Variants in ZFHX3 observed in about 807,000 individuals in gnomAD.
ZFHX3 encodes zinc finger homeobox 3.
In ZFHX3, 42 loss-of-function variants were observed where a neutral mutation model predicts 279.1. The observed-to-expected ratio is 0.15, with a 90% confidence interval of 0.12 to 0.19. The LOEUF is 0.19. ZFHX3 is among the 10% of genes least tolerant of loss of function. The probability of loss-of-function intolerance (pLI) is 1.00; values close to 1 mark genes in which losing one functional copy is unlikely to be tolerated. For missense variants in ZFHX3, 4,981 were observed against 4,754.0 expected (o/e 1.05, Z -1.40); for synonymous variants, 2,293 against 1,957.8 (o/e 1.17, Z -4.52).
chr16:73,604,806 C>T (rs533488626), intron 2 of ZFHX3, among the ~76,000 whole-genome samples: 1 of 151,438 alleles, frequency 6.6e-6, no homozygotes, highest in Admixed American at 6.6e-5. Context: ...CCATGCTAAA[C>T]AGTGCAGGGA....
Position 73,057,947 on chromosome 16 carries a change from G to A in ZFHX3, c.-24+583C>T, listed in dbSNP as rs990223295. On this transcript the variant is annotated intron_variant, in intron 1 of 8. Coordinates refer to the ZFHX3 transcript ENST00000397992. ...CGCGCCCCGCGCGGCTGCTCAGCCCGGGGCCCCGGCGCCTCTCGGGGTGGG... is the reference window on the plus strand; with the variant it reads ...CGCGCCCCGCGCGGCTGCTCAGCCCAGGGCCCCGGCGCCTCTCGGGGTGGG... 7.4e-5 allele frequency among the ~76,000 whole-genome samples: 11 copies of A among 147,838 alleles called. 1 individual carries two copies. The highest frequency in any genetic ancestry group is 6.0e-4 in the Admixed American group (9 of 14,898).
At chr16:73,481,470 T>C (rs1027813204) in intron 2 of ZFHX3, among the ~76,000 whole-genome samples, 7 of 152,180 alleles carry the variant, frequency 4.6e-5, no homozygotes, top group African/African-American at 1.7e-4. Context: ...GGTCTCACTC[T>C]ATTGCTCAGG....
intron 6 of ZFHX3, chr16:73,143,653 GT>G: frequency 1.2e-6 from 1 of 858,324 alleles, no homozygotes; most frequent in Non-Finnish European, 1.7e-6. Context: ...GTTTGGTTTT[GT>G]TTGGTGTCCT....
At chr16:72,938,812 C>A (rs563678335) in intron 3 of ZFHX3, among the ~76,000 whole-genome samples, 1 of 152,162 alleles carries the variant, frequency 6.6e-6, no homozygotes, top group Non-Finnish European at 1.5e-5. Context: ...TTTGGTCTTC[C>A]TCCGCTGACA....
At chr16:73,663,659 G>T (rs1237038031) in intron 2 of ZFHX3, among the ~76,000 whole-genome samples, 3 of 152,218 alleles carry the variant, frequency 2.0e-5, no homozygotes, top group Non-Finnish European at 4.4e-5. Context: ...CCCAGAATGT[G>T]TCTGGGACAA....
At chr16:73,540,187 G>A (rs1412552970) in intron 2 of ZFHX3, among the ~76,000 whole-genome samples, 1 of 152,192 alleles carries the variant, frequency 6.6e-6, no homozygotes, top group African/African-American at 2.4e-5. Context: ...CATGTGATAT[G>A]GGTCCAAGAG....
At chr16:73,047,226 G>T (rs1303671729) in intron 1 of ZFHX3, among the ~76,000 whole-genome samples, 3 of 147,322 alleles carry the variant, frequency 2.0e-5, no homozygotes, top group Non-Finnish European at 1.5e-5. Flanking sequence ...TCCCCACCCC[G>T]CCCCTGCCCA....
intron 2 of ZFHX3, among the ~76,000 whole-genome samples, chr16:73,647,031 T>TC (rs2052625097): frequency 6.6e-6 from 1 of 151,084 alleles, no homozygotes; most frequent in Non-Finnish European, 1.5e-5. Context: ...TTTCTTTTTT[T>TC]TTTTTTGAGA....
chr16:73,064,004 C>T (rs752132118), upstream of ZFHX3, among the ~76,000 whole-genome samples: 1 of 152,084 alleles, frequency 6.6e-6, no homozygotes, highest in Non-Finnish European at 1.5e-5. Context: ...GGATGCGCAC[C>T]GTGCCCACAA....
intron 4 of ZFHX3, among the ~76,000 whole-genome samples, chr16:72,887,911 G>C (rs1270750031): frequency 6.6e-6 from 1 of 152,070 alleles, no homozygotes; most frequent in Admixed American, 6.6e-5. Flanking sequence ...GAGGTATCGG[G>C]CTGGTGTGTG....
At chr16:73,399,338 A>C (rs926457210) in intron 3 of ZFHX3, among the ~76,000 whole-genome samples, 6 of 152,192 alleles carry the variant, frequency 3.9e-5, no homozygotes, top group Non-Finnish European at 8.8e-5. Context: ...CTTTCCTCTG[A>C]GGCATGGGTG....
rs564197209 is a variant in ZFHX3 at position 72,852,084 on chromosome 16, T to C, written c.3449-22225A>G. Among the ~76,000 whole-genome samples, 14 of 152,326 alleles carry C rather than the reference T, an allele frequency of 9.2e-5. No individual in the cohort carries two copies. The South Asian group carries it at 2.7e-3, about 29-fold the overall frequency. On this transcript the variant is annotated intron_variant, in intron 4 of 9. Transcript: ENST00000268489. The stretch of plus-strand genomic sequence containing the variant: ...ACTACTTCTGTATGAAAGAGGATTA[T>C]ACAGAAATTGTCTAAAACAAAATAT...
intron 2 of ZFHX3, among the ~76,000 whole-genome samples, chr16:73,541,731 C>T (rs902074641): frequency 2.0e-5 from 3 of 150,500 alleles, no homozygotes; most frequent in African/African-American, 7.3e-5. Context: ...GTCGCCATTC[C>T]TCCTTCTGTC....
intron 2 of ZFHX3, among the ~76,000 whole-genome samples, chr16:73,621,219 C>A (rs527811880): frequency 6.6e-6 from 1 of 152,192 alleles, no homozygotes; most frequent in Admixed American, 6.5e-5. Flanking sequence ...GGCCTCTTAT[C>A]GTTTCCCTTC....
chr16:72,797,524 C>A lies in ZFHX3; in HGVS notation c.5158G>T (p.Ala1720Ser), dbSNP rs761801260. Residue 1720 changes from alanine to serine, a missense_variant, in exon 9 of 10, where the codon GCA becomes TCA. Transcript: ENST00000268489. ...TGCTGTTGTTGCTGCTGCCTGGATG[C>A]AATCATATCTGCCAGTTTCTTCCGA... ...ANRKKLADMI[A>S]SRQQQQQQQQ... The A allele has an allele frequency of 3.1e-5, 50 of 1,613,852 alleles. No homozygotes were observed. The South Asian group carries it at 5.2e-4, about 17-fold the overall frequency.
chr16:73,232,039 G>A (rs2012791255), intron 5 of ZFHX3: 1 of 152,172 alleles, frequency 6.6e-6, no homozygotes, highest in Admixed American at 6.5e-5. Flanking sequence ...TGGCGCTGAC[G>A]GGAGCTCCCC....
intron 3 of ZFHX3, among the ~76,000 whole-genome samples, chr16:73,352,332 G>A (rs1447822125): frequency 6.6e-6 from 1 of 152,118 alleles, no homozygotes; most frequent in Non-Finnish European, 1.5e-5. Context: ...CGGTAAGCAT[G>A]GGCAATAGCT....
intron 3 of ZFHX3, among the ~76,000 whole-genome samples, chr16:72,933,643 C>T (rs1174802223): frequency 2.6e-5 from 4 of 152,116 alleles, no homozygotes; most frequent in African/African-American, 4.8e-5. Context: ...CCACCCCTCC[C>T]CCTACTCCAG....
At chr16:73,096,585 T>C (rs1966166896) in intron 7 of ZFHX3, among the ~76,000 whole-genome samples, 1 of 150,956 alleles carries the variant, frequency 6.6e-6, no homozygotes, top group Admixed American at 6.6e-5. Flanking sequence ...TTTTTTTTTT[T>C]AGTAGAGACG....
Sources: gnomAD v4.1 joint callset for allele counts (sites outside exome capture counted in the v4.1 genomes callset) on GRCh38, gnomAD v4.1.1 for gene constraint, MANE v1.5 for transcripts, NCBI Gene and HGNC (gene_info 2026-07-23, HGNC 2026-07-21) for gene names.